The following PLCB1 variants were observed in gnomAD, a reference collection of about 807,000 sequenced individuals.
PLCB1 encodes 1-phosphatidylinositol 4,5-bisphosphate phosphodiesterase beta-1.
Under a neutral mutation model 161.8 loss-of-function variants are expected in PLCB1, and 46 were observed. The ratio of observed to expected loss-of-function variants is 0.28; its 90% CI spans 0.22 to 0.36. The LOEUF (loss-of-function observed/expected upper bound fraction) is 0.36, where lower values mean the gene tolerates loss of function less well. Among genes scored for constraint, PLCB1 ranks in the 10% least tolerant of loss-of-function variants. The probability of loss-of-function intolerance (pLI) is 1.00; values close to 1 mark genes in which losing one functional copy is unlikely to be tolerated. For synonymous variants in PLCB1, 517 were observed against 503.7 expected (o/e 1.03, Z -0.35); for missense variants, 1,016 against 1,472.5 (o/e 0.69, Z 5.07).
intron 2 of PLCB1, among the ~76,000 whole-genome samples, chr20:8,195,186 T>C (rs1319736608): frequency 1.3e-5 from 2 of 152,062 alleles, no homozygotes; most frequent in African/African-American, 4.8e-5. Flanking sequence ...AGAAAATCTT[T>C]TAGGAAAATA....
intron 2 of PLCB1, among the ~76,000 whole-genome samples, chr20:8,234,936 T>G (rs773230672): frequency 6.6e-6 from 1 of 152,130 alleles, no homozygotes; most frequent in South Asian, 2.1e-4. Flanking sequence ...GTATGTCTCC[T>G]TGTAAGAATC....
intron 9 of PLCB1, among the ~76,000 whole-genome samples, chr20:8,667,416 T>A (rs78454412): frequency 0.029 from 4,372 of 151,228 alleles, 188 homozygotes; most frequent in East Asian, 0.22. Context: ...GAAAAAAAAA[T>A]TTTTCAAGAT....
chr20:8,463,253 C>T (rs1315776576), intron 3 of PLCB1, among the ~76,000 whole-genome samples: 1 of 151,300 alleles, frequency 6.6e-6, no homozygotes, highest in Non-Finnish European at 1.5e-5. Context: ...TTTATAATGC[C>T]TCTCAAAGAT....
intron 3 of PLCB1, among the ~76,000 whole-genome samples, chr20:8,600,475 GTGCTGGGAGAACCAC>G (rs1195588613): frequency 1.3e-5 from 2 of 150,030 alleles, no homozygotes; most frequent in Non-Finnish European, 3.0e-5. Flanking sequence ...CTCCAGCTGC[GTGCTGGGAGAACCAC>G]TGCTCTCTTC....
chr20:8,258,486 C>T (rs879749264), intron 2 of PLCB1, among the ~76,000 whole-genome samples: 1 of 152,044 alleles, frequency 6.6e-6, no homozygotes, highest in Non-Finnish European at 1.5e-5. Context: ...GATAGAAAAA[C>T]GTTTGGTATG....
chr20:8,730,022 T>G (rs1172703751), intron 18 of PLCB1: 2 of 152,042 alleles, frequency 1.3e-5, no homozygotes, highest in Admixed American at 1.3e-4. Context: ...AATATGTTTC[T>G]TGGTTTTTGT....
intron 31 of PLCB1, among the ~76,000 whole-genome samples, chr20:8,818,942 C>CA (rs59427171): frequency 3.4e-3 from 225 of 66,654 alleles, no homozygotes; most frequent in Middle Eastern, 0.011. Flanking sequence ...GACTCAGTCT[C>CA]AAAAAAAAAA....
At chr20:8,625,301 G>C (rs1988303752) in intron 3 of PLCB1, 2 of 152,016 alleles carry the variant, frequency 1.3e-5, no homozygotes, top group South Asian at 4.2e-4. Context: ...AACAACTGAG[G>C]ACAACTTGAA....
intron 3 of PLCB1, among the ~76,000 whole-genome samples, chr20:8,534,508 T>G (rs1984962211): frequency 6.6e-6 from 1 of 152,022 alleles, no homozygotes; most frequent in Admixed American, 6.6e-5. Context: ...AGGAGGGGCT[T>G]ATGGACTCCT....
At position 8,184,377 on chromosome 20, in the gene PLCB1, T is replaced by C. The variant is rs187415094; in HGVS notation, c.177+34006T>C. On this transcript the variant is annotated intron_variant, in intron 2 of 31. Transcript: ENST00000338037. The stretch of plus-strand genomic sequence containing the variant: ...CTCTAAAGTTCATAAGAAATGATTA[T>C]GAAGAAATTGAAGTTTACATCATTA... Among the ~76,000 whole-genome samples the C allele has an allele frequency of 4.6e-5, 7 of 152,296 alleles. No homozygotes were observed. The East Asian group carries it at 7.7e-4, about 17-fold the overall frequency.
At chr20:8,366,696 G>T (rs1244476245) in intron 2 of PLCB1, among the ~76,000 whole-genome samples, 1 of 152,144 alleles carries the variant, frequency 6.6e-6, no homozygotes, top group Non-Finnish European at 1.5e-5. Flanking sequence ...TGCATCTGAG[G>T]TCCTAAGAGT....
At chr20:8,652,004 A>C (rs957218281) in intron 7 of PLCB1, 1 of 152,836 alleles carries the variant, frequency 6.5e-6, no homozygotes, top group African/African-American at 2.4e-5. Context: ...TATAATAATC[A>C]AAATATTTAA....
At chr20:8,338,373 C>G (rs944004943) in intron 2 of PLCB1, among the ~76,000 whole-genome samples, 5 of 152,194 alleles carry the variant, frequency 3.3e-5, no homozygotes, top group African/African-American at 1.2e-4. Context: ...GGAGGAATGT[C>G]TTTTCATCGA....
intron 1 of PLCB1, among the ~76,000 whole-genome samples, chr20:8,141,555 AG>A (rs1403483548): frequency 6.7e-6 from 1 of 149,952 alleles, no homozygotes; most frequent in Non-Finnish European, 1.5e-5. Context: ...CCCAGGAGGC[AG>A]GCAGAGGTTT....
intron 3 of PLCB1, among the ~76,000 whole-genome samples, chr20:8,389,906 C>T (rs904998104): frequency 1.3e-5 from 2 of 152,096 alleles, no homozygotes; most frequent in Non-Finnish European, 2.9e-5. Context: ...AGTGTTCAAC[C>T]AAGTTTCAAA....
intron 31 of PLCB1, among the ~76,000 whole-genome samples, chr20:8,795,237 A>C (rs1407361693): frequency 1.3e-5 from 2 of 152,194 alleles, no homozygotes. Flanking sequence ...CTATGAAAAA[A>C]GAGATTCAAT....
intron 3 of PLCB1, among the ~76,000 whole-genome samples, chr20:8,577,345 G>A (rs1986701929): frequency 6.6e-6 from 1 of 151,246 alleles, no homozygotes; most frequent in Non-Finnish European, 1.5e-5. Context: ...GGCTGAGGCA[G>A]GAGAATGGCG....
At chr20:8,313,189 CTGT>C (rs1984487019) in intron 2 of PLCB1, among the ~76,000 whole-genome samples, 1 of 152,056 alleles carries the variant, frequency 6.6e-6, no homozygotes, top group African/African-American at 2.4e-5. Context: ...TAAAATAGTG[CTGT>C]GTAACAAACT....
intron 4 of PLCB1, among the ~76,000 whole-genome samples, chr20:8,645,773 T>C (rs2123284797): frequency 6.6e-6 from 1 of 152,374 alleles, no homozygotes; most frequent in Middle Eastern, 3.4e-3. Context: ...AAATTTTTAA[T>C]GACTCTTTAT....
Sources: allele counts gnomAD v4.1 joint callset (sites outside exome capture counted in the v4.1 genomes callset), GRCh38; gene constraint gnomAD v4.1.1; transcripts MANE v1.5; gene names NCBI Gene and HGNC (gene_info 2026-07-23, HGNC 2026-07-21).